Variants in TAF4B observed in about 807,000 individuals in gnomAD.
TAF4B encodes the protein TATA-box binding protein associated factor 4b.
A neutral mutation model predicts 86.4 loss-of-function variants in TAF4B; 38 were observed. The ratio of observed to expected loss-of-function variants is 0.44; its 90% CI spans 0.34 to 0.58. TAF4B has a LOEUF of 0.58. TAF4B is among the 20% of genes least tolerant of loss of function. TAF4B has a pLI of 0.02. For missense variants in TAF4B, 988 were observed against 1,027.6 expected (o/e 0.96, Z 0.53); for synonymous variants, 388 against 391.2 (o/e 0.99, Z 0.10).
Position 26,293,579 on chromosome 18 carries a change from T to A in TAF4B, c.1832+48T>A, listed in dbSNP as rs533181767. The A allele has an allele frequency of 3.1e-5, 38 of 1,226,220 alleles. 1 individual carries two copies. The highest frequency in any genetic ancestry group is 6.1e-5 in the African/African-American group (4 of 65,452). The allele number at this position is 1,226,220 out of a possible 1,614,324, so 76.0% of individuals were successfully genotyped here. On this transcript the variant is annotated intron_variant, in intron 9 of 14. Coordinates refer to ENST00000269142, the MANE Select transcript of TAF4B (RefSeq NM_005640.3). ...TTGGTTTAAGGAAGTAATTTTTTTT[T>A]AAAAAGGAGAGATGACAGAATAATA...
intron 13 of TAF4B, among the ~76,000 whole-genome samples, chr18:26,346,875 GTGTATATATATA>G (rs1567914170): frequency 1.8e-3 from 9 of 5,114 alleles, no homozygotes; most frequent in Admixed American, 2.8e-3. Context: ...ATATATATAT[GTGTATATATATA>G]TATATATATA....
intron 13 of TAF4B, among the ~76,000 whole-genome samples, chr18:26,352,448 TA>T (rs1211344976): frequency 6.6e-6 from 1 of 152,058 alleles, no homozygotes. Context: ...CTTTGAGTAC[TA>T]ATCAATGACT....
intron 1 of TAF4B, among the ~76,000 whole-genome samples, chr18:26,228,363 A>G (rs1359206988): frequency 6.6e-6 from 1 of 152,194 alleles, no homozygotes; most frequent in Admixed American, 6.5e-5. Flanking sequence ...GTAGTTAGTC[A>G]TACACGTTGT....
chr18:26,289,811 T>C (rs1426495069), intron 7 of TAF4B, among the ~76,000 whole-genome samples: 2 of 152,250 alleles, frequency 1.3e-5, no homozygotes, highest in Non-Finnish European at 2.9e-5. Flanking sequence ...CATTTTGTTT[T>C]TCTCAGCAGA....
At position 26,357,717 on chromosome 18, in the gene TAF4B, C is replaced by G; in HGVS notation, c.2344C>G (p.Gln782Glu). Residue 782 changes from glutamine to glutamate, a missense_variant, in exon 14 of 15, where the codon CAG (glutamine) becomes GAG (glutamate). By Grantham distance (29) the Gln-to-Glu change is conservative. Transcript: ENST00000269142. ...ACAGCAATTGGAACTTGCACAGATACAGCATAGAGACGCTAATCTCACAGC... is the reference window on the plus strand; with the variant it reads ...ACAGCAATTGGAACTTGCACAGATAGAGCATAGAGACGCTAATCTCACAGC... ...ELQQLELAQI[Q>E]HRDANLTALA... The G allele has an allele frequency of 1.6e-5, 25 of 1,611,786 alleles. 1 individual carries two copies. Among genetic ancestry groups the G allele is most frequent in the Non-Finnish European group, 2.1e-5 (25 of 1,178,916 alleles).
rs762010922 is a variant in TAF4B at position 26,292,315 on chromosome 18, A to G, written c.1660A>G (p.Ile554Val). 7.4e-6 allele frequency: 12 copies of G among 1,614,054 alleles called. No individual in the cohort carries two copies. The Admixed American group carries it at 1.2e-4, about 16-fold the overall frequency. Reference protein sequence around the residue: ...TTISHSSTLTIQKCGQKTMPV... With the variant: ...TTISHSSTLTVQKCGQKTMPV... Reference sequence around the variant, plus strand: ...AATTTCACATTCCTCAACATTGACCATTCAGAAATGTGGACAGAAGACGAT... The same window carrying G: ...AATTTCACATTCCTCAACATTGACCGTTCAGAAATGTGGACAGAAGACGAT... Residue 554 changes from isoleucine (I) to valine (V), a missense_variant, in exon 8 of 15, where the codon ATT becomes GTT. By Grantham distance (29) the Ile-to-Val change is conservative (BLOSUM62 3). This residue lies in a region of TAF4B where 747 missense variants were observed against 737.9 expected (regional missense o/e 1.01). Transcript: ENST00000269142.
intron 6 of TAF4B, among the ~76,000 whole-genome samples, chr18:26,285,216 T>TTTTTTGTTTTTG (rs1343650186): frequency 4.0e-5 from 4 of 100,274 alleles, no homozygotes; most frequent in African/African-American, 1.7e-4. Context: ...TTTCCTTTTT[T>TTTTTTGTTTTTG]TTTTTGTTTT....
intron 9 of TAF4B, among the ~76,000 whole-genome samples, chr18:26,293,909 C>G (rs1018794632): frequency 5.3e-5 from 8 of 152,042 alleles, no homozygotes; most frequent in African/African-American, 1.9e-4. Flanking sequence ...TATTATGTAC[C>G]CTTTTGCATC....
chr18:26,228,327 C>A (rs2055610825), intron 1 of TAF4B, among the ~76,000 whole-genome samples: 1 of 152,172 alleles, frequency 6.6e-6, no homozygotes, highest in South Asian at 2.1e-4. Context: ...AATAAAATGA[C>A]AGGGACCCTT....
chr18:26,285,216 T>TTTG (rs1555677488), intron 6 of TAF4B, among the ~76,000 whole-genome samples: 2 of 100,282 alleles, frequency 2.0e-5, no homozygotes, highest in Non-Finnish European at 2.0e-5. Context: ...TTTCCTTTTT[T>TTTG]TTTTTGTTTT....
chr18:26,277,632 G>A (rs1305422273), intron 5 of TAF4B, among the ~76,000 whole-genome samples: 4 of 151,130 alleles, frequency 2.6e-5, no homozygotes, highest in Admixed American at 1.3e-4. Context: ...TGTGAAGAGA[G>A]GTGGTTGGAA....
At chr18:26,332,164 C>G (rs1396628164) in intron 12 of TAF4B, among the ~76,000 whole-genome samples, 1 of 152,266 alleles carries the variant, frequency 6.6e-6, no homozygotes, top group African/African-American at 2.4e-5. Context: ...CTCCAAGATG[C>G]TTGGGACAAA....
chr18:26,249,742 A>AAAG (rs1491426920), intron 1 of TAF4B, among the ~76,000 whole-genome samples: 2 of 152,098 alleles, frequency 1.3e-5, no homozygotes, highest in Admixed American at 1.3e-4. Flanking sequence ...TTTTAGAGAC[A>AAAG]AAGTCTCATT....
intron 14 of TAF4B, among the ~76,000 whole-genome samples, chr18:26,368,894 T>TTA (rs2057388848): frequency 6.6e-6 from 1 of 152,186 alleles, no homozygotes; most frequent in Non-Finnish European, 1.5e-5. Context: ...AAGTTGCATA[T>TTA]TATTGGCTTA....
Position 26,390,033 on chromosome 18 carries a change from G to A in TAF4B, c.*21G>A, listed in dbSNP as rs1310144692. On this transcript the variant is annotated 3_prime_UTR_variant, in exon 15 of 15. Coordinates refer to ENST00000269142, the MANE Select transcript of TAF4B (RefSeq NM_005640.3). ...AGTGACCACTCCACTCTTCCATCCA[G>A]ATCCTTGCTATTTACTGCCAAAGAA... 6.2e-7 allele frequency: 1 copy of A among 1,603,126 alleles called. No homozygotes were observed. Among genetic ancestry groups the A allele is most frequent in the Non-Finnish European group, 8.5e-7 (1 of 1,175,186 alleles).
In TAF4B at chr18:26,285,222, G is replaced by GTTTTTGTTTTTTTTTTTTTT; in HGVS notation, c.973-655_973-654insGTTTTTTTTTTTTTTTTTTT. Reference sequence around the variant, plus strand: ...ATTTCTTCCTTTCCTTTTTTTTTTTGTTTTTTTTTTTTTTGGAGATGGGGT... The same window carrying GTTTTTGTTTTTTTTTTTTTT: ...ATTTCTTCCTTTCCTTTTTTTTTTTGTTTTTGTTTTTTTTTTTTTTTTTTTTTTTTTTTTGGAGATGGGGT... On this transcript the variant is annotated intron_variant, in intron 6 of 14. Transcript: ENST00000269142. Among the ~76,000 whole-genome samples the GTTTTTGTTTTTTTTTTTTTT allele has an allele frequency of 1.9e-3, 87 of 45,690 alleles. 5 individuals are homozygous for GTTTTTGTTTTTTTTTTTTTT. Among genetic ancestry groups the GTTTTTGTTTTTTTTTTTTTT allele is most frequent in the Middle Eastern group, 0.022 (1 of 46 alleles). 30.0% of individuals were successfully genotyped at this position (45,690 alleles called of 152,430 possible). A position where few individuals can be genotyped will look rare whatever the true frequency, so the allele number is the denominator to read the frequency against.
chr18:26,341,749 A>G (rs978880917), intron 13 of TAF4B, among the ~76,000 whole-genome samples: 3 of 152,198 alleles, frequency 2.0e-5, no homozygotes, highest in African/African-American at 7.2e-5. Context: ...ATGACTGCTA[A>G]TAATTGTCTT....
At chr18:26,255,133 A>C (rs2056063101) in intron 1 of TAF4B, among the ~76,000 whole-genome samples, 1 of 152,146 alleles carries the variant, frequency 6.6e-6, no homozygotes, top group Non-Finnish European at 1.5e-5. Flanking sequence ...TCATACAACA[A>C]ATCCCATCTC....
At chr18:26,353,463 G>T (rs2057261102) in intron 13 of TAF4B, among the ~76,000 whole-genome samples, 1 of 152,198 alleles carries the variant, frequency 6.6e-6, no homozygotes, top group Non-Finnish European at 1.5e-5. Context: ...GGGCATGATG[G>T]CTCATGCCTG....
Sources: gnomAD v4.1 joint callset for allele counts (sites outside exome capture counted in the v4.1 genomes callset) on GRCh38, gnomAD v4.1.1 for gene constraint, gnomAD v4.1.1 regional missense constraint, MANE v1.5 for transcripts, NCBI Gene and HGNC (gene_info 2026-07-23, HGNC 2026-07-21) for gene names.